SDK1: variants seen among roughly 807,000 people sequenced by gnomAD.
SDK1 encodes sidekick cell adhesion molecule 1.
SDK1 carries 157 observed loss-of-function variants against 245.5 expected under a neutral mutation model. The observed-to-expected ratio is 0.64, with a 90% CI of 0.56 to 0.73. The LOEUF (loss-of-function observed/expected upper bound fraction) is 0.73, where lower values mean the gene tolerates loss of function less well. SDK1 is among the 30% of genes least tolerant of loss of function. SDK1 has a pLI of 0.00. For missense variants in SDK1, 3,583 were observed against 3,002.3 expected, an observed-to-expected ratio of 1.19 and a Z score of -4.52; for synonymous variants, 1,647 against 1,278.5, an observed-to-expected ratio of 1.29 and a Z score of -6.15.
chr7:3,416,490 A>T (rs1779369633), intron 1 of SDK1, among the ~76,000 whole-genome samples: 1 of 149,550 alleles, frequency 6.7e-6, no homozygotes, highest in Non-Finnish European at 1.5e-5. Context: ...TGCGGGGGAA[A>T]CAAGGGGTGG....
At chr7:4,195,555 G>A (rs1026630222) in intron 35 of SDK1, among the ~76,000 whole-genome samples, 1 of 152,142 alleles carries the variant, frequency 6.6e-6, no homozygotes, top group East Asian at 1.9e-4. Flanking sequence ...TGTCTGCCTG[G>A]CATCTCTGCC....
chr7:3,670,787 G>T (rs1783676604), intron 4 of SDK1, among the ~76,000 whole-genome samples: 1 of 152,182 alleles, frequency 6.6e-6, no homozygotes, highest in South Asian at 2.1e-4. Flanking sequence ...GACAGACCCA[G>T]TTTATGTCTG....
rs116710781 is a variant in SDK1, at chr7:3,346,024, C to A, written c.298+44140C>A. Among the ~76,000 whole-genome samples, 1,195 of 152,294 alleles carry A rather than the reference C, an allele frequency of 7.8e-3. 15 individuals carry two copies. The highest frequency in any genetic ancestry group is 0.028 in the African/African-American group (1,163 of 41,544). ...ACCCCATTGTTAGATGTTTCTGGCACTTGTACTCCTGGATAAAATGTTTTT... is the reference window on the plus strand; with the variant it reads ...ACCCCATTGTTAGATGTTTCTGGCAATTGTACTCCTGGATAAAATGTTTTT... On this transcript the variant is annotated intron_variant, in intron 1 of 44. Coordinates refer to ENST00000404826, the MANE Select transcript of SDK1 (RefSeq NM_152744.4).
At chr7:3,542,223 T>C (rs1779074086) in intron 1 of SDK1, among the ~76,000 whole-genome samples, 1 of 152,208 alleles carries the variant, frequency 6.6e-6, no homozygotes, top group South Asian at 2.1e-4. Context: ...TACACATAGC[T>C]TAGATGTGCC....
chr7:4,155,947 G>A (rs952150769), intron 30 of SDK1, among the ~76,000 whole-genome samples: 1 of 152,192 alleles, frequency 6.6e-6, no homozygotes, highest in Non-Finnish European at 1.5e-5. Flanking sequence ...GGGACAGCAG[G>A]CAGGGCCATC....
intron 4 of SDK1, among the ~76,000 whole-genome samples, chr7:3,744,559 C>T (rs1163425998): frequency 6.6e-6 from 1 of 152,098 alleles, no homozygotes; most frequent in Non-Finnish European, 1.5e-5. Context: ...CGCCTGTAAT[C>T]CCAGCACTTT....
chr7:3,891,396 C>G (rs1420493247), intron 5 of SDK1, among the ~76,000 whole-genome samples: 1 of 152,186 alleles, frequency 6.6e-6, no homozygotes, highest in African/African-American at 2.4e-5. Context: ...TCCTTCATGG[C>G]TGAGCAGATT....
intron 4 of SDK1, among the ~76,000 whole-genome samples, chr7:3,653,581 T>C (rs1161127192): frequency 3.3e-5 from 5 of 152,074 alleles, no homozygotes; most frequent in African/African-American, 1.2e-4. Flanking sequence ...AGGGCTACAG[T>C]CCTCAGGAAA....
chr7:3,499,533 A>G (rs1782129266), intron 1 of SDK1, among the ~76,000 whole-genome samples: 1 of 152,238 alleles, frequency 6.6e-6, no homozygotes, highest in Admixed American at 6.5e-5. Flanking sequence ...CGTCTCTCTC[A>G]GCCTCAGAGG....
chr7:4,125,081 ATGGAT>A, intron 25 of SDK1, among the ~76,000 whole-genome samples: 1 of 149,280 alleles, frequency 6.7e-6, no homozygotes, highest in Non-Finnish European at 1.5e-5. Context: ...GGATGGATGG[ATGGAT>A]GATGGATGGA....
chr7:4,084,877 C>G (rs1409832276), intron 22 of SDK1, among the ~76,000 whole-genome samples: 1 of 152,098 alleles, frequency 6.6e-6, no homozygotes. Context: ...ATTCTCCTGC[C>G]TCAGCCTCCT....
At chr7:3,995,864 C>G (rs1469382148) in intron 14 of SDK1, among the ~76,000 whole-genome samples, 1 of 150,552 alleles carries the variant, frequency 6.6e-6, no homozygotes, top group Admixed American at 6.6e-5. Context: ...TTTCAGTTTG[C>G]TTTTACCATT....
chr7:3,868,931 A>G (rs1006765404), intron 5 of SDK1, among the ~76,000 whole-genome samples: 1 of 152,200 alleles, frequency 6.6e-6, no homozygotes, highest in Non-Finnish European at 1.5e-5. Context: ...GCTCCGTATG[A>G]GAAAATGTAA....
At chr7:4,048,860 G>T (rs1789224774) in intron 17 of SDK1, among the ~76,000 whole-genome samples, 1 of 152,204 alleles carries the variant, frequency 6.6e-6, no homozygotes, top group African/African-American at 2.4e-5. Flanking sequence ...GACAGACAAA[G>T]AGAAATTTAA....
intron 1 of SDK1, among the ~76,000 whole-genome samples, chr7:3,482,799 A>C (rs1781558384): frequency 6.6e-6 from 1 of 152,226 alleles, no homozygotes; most frequent in African/African-American, 2.4e-5. Context: ...AAAACAGGAA[A>C]ACAGGTAAAG....
intron 1 of SDK1, among the ~76,000 whole-genome samples, chr7:3,574,672 A>G (rs774731648): frequency 1.3e-5 from 2 of 152,072 alleles, no homozygotes; most frequent in African/African-American, 2.4e-5. Context: ...TTATGCAGCT[A>G]AAGTAGTGTA....
intron 19 of SDK1, among the ~76,000 whole-genome samples, chr7:4,059,293 G>A (rs1480345695): frequency 2.0e-5 from 3 of 152,182 alleles, no homozygotes; most frequent in East Asian, 3.8e-4. Context: ...AAGTGAACAG[G>A]AGTAGGTACG....
At chr7:3,815,978 C>T (rs1242448916) in intron 4 of SDK1, among the ~76,000 whole-genome samples, 1 of 143,190 alleles carries the variant, frequency 7.0e-6, no homozygotes, top group Non-Finnish European at 1.5e-5. Context: ...AACTGAACAA[C>T]CTGCTCCTGA....
chr7:3,553,341 A>G lies in SDK1; in HGVS notation c.299-65739A>G, dbSNP rs531459896. ...AAATTTAAGACTTCTAGCTTGGACA[A>G]AATGGCACAGACCTGTTTCTCCCAC... On this transcript the variant is annotated intron_variant, in intron 1 of 44. Transcript: ENST00000404826. Among the ~76,000 whole-genome samples, 60 of 152,346 alleles carry G rather than the reference A, an allele frequency of 3.9e-4. No individual in the cohort carries two copies. In the South Asian group the frequency reaches 9.3e-3, roughly 24 times the overall value.
Sources: allele counts gnomAD v4.1 joint callset (sites outside exome capture counted in the v4.1 genomes callset), GRCh38; gene constraint gnomAD v4.1.1; transcripts MANE v1.5; gene names NCBI Gene and HGNC (gene_info 2026-07-23, HGNC 2026-07-21).